CA10: variants seen among roughly 807,000 people sequenced by gnomAD.
CA10 encodes carbonic anhydrase-related protein 10.
In CA10, 14 loss-of-function variants were observed where a neutral mutation model predicts 44.2. The observed-to-expected ratio is 0.32, with a 90% CI of 0.21 to 0.50. CA10 has a LOEUF of 0.50. Among genes scored for constraint, CA10 ranks in the 20% least tolerant of loss-of-function variants. The probability of loss-of-function intolerance (pLI) is 0.99; values close to 1 mark genes in which losing one functional copy is unlikely to be tolerated. For synonymous variants in CA10, 159 were observed against 141.6 expected (o/e 1.12, Z -0.87); for missense variants, 350 against 409.7 (o/e 0.85, Z 1.26).
At chr17:51,773,836 T>C (rs1180590257) in intron 3 of CA10, among the ~76,000 whole-genome samples, 1 of 152,176 alleles carries the variant, frequency 6.6e-6, no homozygotes, top group African/African-American at 2.4e-5. Context: ...CTCTCAGAAG[T>C]CCAATTGCTA....
At chr17:52,085,734 C>T (rs570546308) in intron 1 of CA10, among the ~76,000 whole-genome samples, 1 of 152,078 alleles carries the variant, frequency 6.6e-6, no homozygotes, top group Non-Finnish European at 1.5e-5. Context: ...AGAATAGGTG[C>T]CCTGTAAATG....
intron 2 of CA10, among the ~76,000 whole-genome samples, chr17:52,041,214 C>G (rs1003795301): frequency 6.6e-6 from 1 of 151,988 alleles, no homozygotes; most frequent in Non-Finnish European, 1.5e-5. Context: ...TTCACAATAT[C>G]TACCATCAAT....
chr17:51,939,229 T>C (rs1181225188), intron 2 of CA10, among the ~76,000 whole-genome samples: 1 of 152,148 alleles, frequency 6.6e-6, no homozygotes, highest in Non-Finnish European at 1.5e-5. Flanking sequence ...TCCATACTAA[T>C]AGAGCTTCTC....
intron 4 of CA10, among the ~76,000 whole-genome samples, chr17:51,736,763 G>T (rs904543332): frequency 6.6e-6 from 1 of 152,160 alleles, no homozygotes; most frequent in African/African-American, 2.4e-5. Flanking sequence ...TTATAAAGAA[G>T]AGAGAAAAAA....
intron 4 of CA10, chr17:51,661,526 C>T (rs752637708): frequency 1.3e-5 from 2 of 152,076 alleles, no homozygotes; most frequent in African/African-American, 4.8e-5. Flanking sequence ...TCTATAAAAC[C>T]GAATATAAAA....
intron 2 of CA10, among the ~76,000 whole-genome samples, chr17:51,977,943 C>T (rs1288323125): frequency 6.6e-6 from 1 of 151,898 alleles, no homozygotes; most frequent in African/African-American, 2.4e-5. Context: ...AATCATAAAA[C>T]TTTTAGGGTT....
intron 4 of CA10, among the ~76,000 whole-genome samples, chr17:51,668,547 C>T (rs1464585560): frequency 2.0e-5 from 3 of 152,220 alleles, no homozygotes; most frequent in African/African-American, 4.8e-5. Context: ...AGTCTAATTT[C>T]GATCTGTAGA....
chr17:51,857,816 G>A (rs570238671), intron 3 of CA10, among the ~76,000 whole-genome samples: 10 of 152,196 alleles, frequency 6.6e-5, no homozygotes, highest in South Asian at 6.2e-4. Flanking sequence ...TTCCTGTCTA[G>A]TCTGCAGGAA....
intron 3 of CA10, among the ~76,000 whole-genome samples, chr17:51,756,365 A>G (rs1209675648): frequency 1.3e-5 from 2 of 152,236 alleles, no homozygotes; most frequent in Non-Finnish European, 2.9e-5. Flanking sequence ...TGGCAGTCCC[A>G]GAATTCTAGC....
chr17:51,964,780 C>A (rs190467992), intron 2 of CA10, among the ~76,000 whole-genome samples: 84 of 151,978 alleles, frequency 5.5e-4, no homozygotes, highest in Non-Finnish European at 1.1e-3. Context: ...AAGTTTAAAG[C>A]ACTAAATCCC....
intron 2 of CA10, among the ~76,000 whole-genome samples, chr17:52,013,825 T>G (rs1263640038): frequency 1.3e-5 from 2 of 151,964 alleles, no homozygotes; most frequent in East Asian, 3.9e-4. Flanking sequence ...GCTCAAGTCC[T>G]TTATATAAAA....
rs1988116951 is a variant in CA10, at chr17:52,086,361, G to A, written c.62-13968C>T. On this transcript the variant is annotated intron_variant, in intron 1 of 8. Coordinates refer to ENST00000451037, the MANE Select transcript of CA10 (RefSeq NM_020178.5). ...TCAGGGCCCAGGTTTCTTCTGTCCTGTGGCTCTGCTATCTGCAATACAAGA... is the reference window on the plus strand; with the variant it reads ...TCAGGGCCCAGGTTTCTTCTGTCCTATGGCTCTGCTATCTGCAATACAAGA... Among the ~76,000 whole-genome samples the A allele has an allele frequency of 2.6e-5, 4 of 152,300 alleles. No individual in the cohort carries two copies. The South Asian group carries it at 8.3e-4, about 32-fold the overall frequency.
intron 3 of CA10, among the ~76,000 whole-genome samples, chr17:51,840,478 TAC>T (rs3033576): frequency 0.12 from 17,799 of 146,522 alleles, 1,293 homozygotes; most frequent in African/African-American, 0.21. Flanking sequence ...CAACCTTTAA[TAC>T]ACACACACAC....
intron 4 of CA10, among the ~76,000 whole-genome samples, chr17:51,689,532 T>C (rs1035414172): frequency 6.6e-6 from 1 of 152,210 alleles, no homozygotes. Flanking sequence ...GAGATAAATA[T>C]AATTTGAAAT....
intron 3 of CA10, among the ~76,000 whole-genome samples, chr17:51,900,013 T>C (rs1598107479): frequency 6.6e-6 from 1 of 152,106 alleles, no homozygotes; most frequent in South Asian, 2.1e-4. Flanking sequence ...TGCCTTTTAA[T>C]TGGAACATTT....
intron 6 of CA10, among the ~76,000 whole-genome samples, chr17:51,645,000 G>A (rs979817305): frequency 6.6e-6 from 1 of 151,994 alleles, no homozygotes; most frequent in Non-Finnish European, 1.5e-5. Flanking sequence ...GTCTCACCAT[G>A]TTGGTCAGGC....
intron 3 of CA10, among the ~76,000 whole-genome samples, chr17:51,887,340 G>T (rs1322446390): frequency 6.6e-6 from 1 of 152,188 alleles, no homozygotes; most frequent in Admixed American, 6.5e-5. Context: ...CTGAAACACA[G>T]AATGGAGGAG....
intron 2 of CA10, among the ~76,000 whole-genome samples, chr17:52,008,590 G>A (rs1421897280): frequency 6.6e-6 from 1 of 151,560 alleles, no homozygotes. Flanking sequence ...TCAGAAGAAG[G>A]GCAATGTCAT....
chr17:51,722,283 A>G (rs1286915490), intron 4 of CA10, among the ~76,000 whole-genome samples: 1 of 151,946 alleles, frequency 6.6e-6, no homozygotes, highest in Non-Finnish European at 1.5e-5. Context: ...CACTGTATGA[A>G]TGCTTATTCT....
Sources: allele counts gnomAD v4.1 joint callset (sites outside exome capture counted in the v4.1 genomes callset), GRCh38; gene constraint gnomAD v4.1.1; transcripts MANE v1.5; gene names NCBI Gene and HGNC (gene_info 2026-07-23, HGNC 2026-07-21).